ALCAM: variants seen among roughly 807,000 people sequenced by gnomAD.
ALCAM encodes the protein activated leukocyte cell adhesion molecule.
Under a neutral mutation model 70.9 loss-of-function variants are expected in ALCAM, and 30 were observed. The observed-to-expected ratio is 0.42, with a 90% CI of 0.32 to 0.57. The LOEUF (loss-of-function observed/expected upper bound fraction) is 0.57, where lower values mean the gene tolerates loss of function less well. Ranked by LOEUF, ALCAM falls within the 20% of genes least tolerant of loss-of-function variation. The pLI is 0.11. For missense variants in ALCAM, 591 were observed against 695.1 expected (o/e 0.85, Z 1.68); for synonymous variants, 249 against 242.5 (o/e 1.03, Z -0.25).
intron 6 of ALCAM, 44 bp from the exon 7 acceptor site, chr3:105,539,931 G>A (rs184508448): frequency 2.3e-4 from 373 of 1,603,390 alleles, no homozygotes; most frequent in African/African-American, 2.2e-3. Flanking sequence ...AGAGTAATTC[G>A]GTACTTGACA....
chr3:105,526,962 G>C (rs933056148), intron 3 of ALCAM, among the ~76,000 whole-genome samples: 1 of 152,186 alleles, frequency 6.6e-6, no homozygotes, highest in African/African-American at 2.4e-5. Context: ...ATCCTCATGA[G>C]CTAAGTCAAA....
rs59389132 is a variant in ALCAM, at chr3:105,454,653, A to ATTTT, written c.74-65383_74-65380dup. Among the ~76,000 whole-genome samples, 385 of 61,820 alleles carry ATTTT rather than the reference A, an allele frequency of 6.2e-3. 37 individuals carry two copies. Among genetic ancestry groups the ATTTT allele is most frequent in the African/African-American group, 0.012 (179 of 14,614 alleles). 40.6% of individuals were successfully genotyped at this position (61,820 alleles called of 152,430 possible). A position where few individuals can be genotyped will look rare whatever the true frequency, so the allele number is the denominator to read the frequency against. On this transcript the variant is annotated intron_variant, in intron 1 of 15. Transcript: ENST00000306107. ...ATTGGCACATAGTAGATGCTCATTA[A>ATTTT]TTTTTTTTTTTTTTTTTTTTTTTTT... is the stretch of plus-strand genomic sequence containing the variant.
chr3:105,489,089 G>A (rs948551473), intron 1 of ALCAM, among the ~76,000 whole-genome samples: 5 of 152,132 alleles, frequency 3.3e-5, no homozygotes, highest in African/African-American at 7.2e-5. Context: ...AGTATTAAAG[G>A]GAAAAGTTGA....
intron 1 of ALCAM, among the ~76,000 whole-genome samples, chr3:105,388,660 G>T (rs947276381): frequency 2.0e-5 from 3 of 151,402 alleles, no homozygotes; most frequent in Non-Finnish European, 4.4e-5. Context: ...GGGGATGTTG[G>T]ACTTGAAGCT....
intron 8 of ALCAM, 51 bp downstream of exon 8, chr3:105,541,816 G>A (rs1449606220): frequency 1.9e-6 from 3 of 1,590,330 alleles, no homozygotes; most frequent in South Asian, 1.1e-5. Context: ...GCTTCTAATA[G>A]CTTAATGTAG....
At chr3:105,442,352 T>C (rs1171690468) in intron 1 of ALCAM, among the ~76,000 whole-genome samples, 2 of 152,194 alleles carry the variant, frequency 1.3e-5, no homozygotes, top group Non-Finnish European at 2.9e-5. Context: ...CCAAGTAAAT[T>C]TTTATACATA....
intron 1 of ALCAM, among the ~76,000 whole-genome samples, chr3:105,516,471 T>G (rs1482440315): frequency 6.6e-6 from 1 of 152,054 alleles, no homozygotes; most frequent in Non-Finnish European, 1.5e-5. Flanking sequence ...GAATTACTTC[T>G]TTAAGAGATT....
chr3:105,518,816 A>AAC (rs1939451956), intron 1 of ALCAM, among the ~76,000 whole-genome samples: 1 of 152,026 alleles, frequency 6.6e-6, no homozygotes, highest in African/African-American at 2.4e-5. Flanking sequence ...ACTAGTTGTT[A>AAC]TGTTGCATAT....
intron 15 of ALCAM, among the ~76,000 whole-genome samples, chr3:105,572,565 G>A (rs1940881558): frequency 6.6e-6 from 1 of 152,156 alleles, no homozygotes; most frequent in Admixed American, 6.6e-5. Flanking sequence ...TGTGTTTATA[G>A]TAGAATGATT....
rs562581785 is a variant in ALCAM at position 105,512,324 on chromosome 3, C to T, written c.74-7743C>T. 1.1e-3 allele frequency among the ~76,000 whole-genome samples: 160 copies of T among 142,738 alleles called. 6 individuals are homozygous for T. The South Asian group carries it at 0.037, about 33-fold the overall frequency. 93.6% of individuals were successfully genotyped at this position (142,738 alleles called of 152,430 possible). ...TTACTTCAGATGATTCAATTAAGAT[C>T]CTTTGGGAAGCATTATGCCTGCCTT... On this transcript the variant is annotated intron_variant, in intron 1 of 15. Coordinates refer to ENST00000306107, the MANE Select transcript of ALCAM (RefSeq NM_001627.4).
chr3:105,438,714 G>A (rs750261638), intron 1 of ALCAM, among the ~76,000 whole-genome samples: 1 of 152,090 alleles, frequency 6.6e-6, no homozygotes, highest in Non-Finnish European at 1.5e-5. Flanking sequence ...TGTTGCTACA[G>A]ATATTGTATA....
chr3:105,479,810 A>G (rs76280278), intron 1 of ALCAM, among the ~76,000 whole-genome samples: 1,933 of 152,194 alleles, frequency 0.013, 43 homozygotes, highest in African/African-American at 0.044. Context: ...ATGAACTTAC[A>G]TGGTGTTTAT....
At chr3:105,473,337 G>A (rs1385763814) in intron 1 of ALCAM, among the ~76,000 whole-genome samples, 1 of 151,390 alleles carries the variant, frequency 6.6e-6, no homozygotes, top group East Asian at 1.9e-4. Flanking sequence ...AAAAAGTCTT[G>A]ATGTTACAAG....
chr3:105,429,062 C>T (rs1398523598), intron 1 of ALCAM, among the ~76,000 whole-genome samples: 1 of 151,950 alleles, frequency 6.6e-6, no homozygotes, highest in African/African-American at 2.4e-5. Flanking sequence ...GCCTTCATAT[C>T]ATGCCTGTTT....
Position 105,514,706 on chromosome 3 carries a change from C to T in ALCAM, c.74-5361C>T, listed in dbSNP as rs1200932734. ...ATAATTTAGTAACATGGGCATTTTC[C>T]CTCTGAAGATTATTCCACAGTGGCA... On this transcript the variant is annotated intron_variant, in intron 1 of 15. Transcript: ENST00000306107. 3.3e-5 allele frequency among the ~76,000 whole-genome samples: 5 copies of T among 151,772 alleles called. No individual in the cohort carries two copies. In the East Asian group the frequency reaches 9.7e-4, roughly 29 times the overall value.
chr3:105,534,632 C>A, intron 5 of ALCAM, 31 bp from the exon 6 acceptor site: 3 of 1,589,880 alleles, frequency 1.9e-6, no homozygotes, highest in East Asian at 2.2e-5. Flanking sequence ...AGATGAAAGA[C>A]CCTATCATCA....
intron 1 of ALCAM, among the ~76,000 whole-genome samples, chr3:105,395,756 C>A (rs1008975732): frequency 1.3e-5 from 2 of 151,942 alleles, no homozygotes; most frequent in African/African-American, 4.8e-5. Context: ...ATCTCAAGAA[C>A]GAATTTAAAT....
chr3:105,380,660 A>G (rs566407371), intron 1 of ALCAM, among the ~76,000 whole-genome samples: 2 of 152,062 alleles, frequency 1.3e-5, no homozygotes, highest in South Asian at 4.1e-4. Flanking sequence ...AATGGAAATG[A>G]TTTTATTACA....
Position 105,574,502 on chromosome 3 carries a change from A to C in ALCAM, c.*51A>C, listed in dbSNP as rs1394907824. 1 of 152,470 alleles carries C rather than the reference A, an allele frequency of 6.6e-6. No homozygotes were observed. The highest frequency in any genetic ancestry group is 1.5e-5 in the Non-Finnish European group (1 of 68,016). The allele number at this position is 152,470 out of a possible 1,614,324, so 9.4% of individuals were successfully genotyped here. A position where few individuals can be genotyped will look rare whatever the true frequency, so the allele number is the denominator to read the frequency against. ...AGATAAAAATCATATAGACCAATTG[A>C]AGCATGAACGTGGATTGTATTTAAG... On this transcript the variant is annotated 3_prime_UTR_variant, in exon 16 of 16. Transcript: ENST00000306107.
Sources: gnomAD v4.1 joint callset for allele counts (sites outside exome capture counted in the v4.1 genomes callset) on GRCh38, gnomAD v4.1.1 for gene constraint, MANE v1.5 for transcripts, NCBI Gene and HGNC (gene_info 2026-07-23, HGNC 2026-07-21) for gene names.